Variants in PRKN observed in about 807,000 individuals in gnomAD.
The protein encoded by PRKN is parkin RBR E3 ubiquitin protein ligase.
PRKN carries 56 observed loss-of-function variants against 59.5 expected under a neutral mutation model. That is an observed-to-expected ratio of 0.94 (90% CI 0.76 to 1.18). The LOEUF (loss-of-function observed/expected upper bound fraction) is 1.18. Among genes scored for constraint, PRKN ranks in the 50% most tolerant of loss-of-function variants. The pLI is 0.00. For synonymous variants in PRKN, 250 were observed against 222.1 expected (o/e 1.13, Z -1.12); for missense variants, 657 against 596.4 (o/e 1.10, Z -1.06).
At chr6:162,328,354 G>T (rs1276709427) in intron 2 of PRKN, among the ~76,000 whole-genome samples, 1 of 152,134 alleles carries the variant, frequency 6.6e-6, no homozygotes, top group Non-Finnish European at 1.5e-5. Flanking sequence ...AACAGAGTGA[G>T]ATTCCGTCTC....
At chr6:162,503,846 T>G (rs1301166332) in intron 1 of PRKN, among the ~76,000 whole-genome samples, 1 of 152,152 alleles carries the variant, frequency 6.6e-6, no homozygotes, top group Non-Finnish European at 1.5e-5. Context: ...ATGGGGCAAG[T>G]GAAGAAGGAC....
chr6:161,868,008 C>G (rs1405204204), intron 6 of PRKN, among the ~76,000 whole-genome samples: 3 of 151,604 alleles, frequency 2.0e-5, no homozygotes, highest in African/African-American at 7.3e-5. Context: ...TGATCCACCA[C>G]CCTCGGCCTC....
Position 162,343,659 on chromosome 6 carries a change from A to G in PRKN, c.172-80894T>C, listed in dbSNP as rs575478195. ...TATGCATTTAGTAAGTATAAGGCACAAGTTGTTTCTGTACATTCATTTTCA... is the reference window on the plus strand; with the variant it reads ...TATGCATTTAGTAAGTATAAGGCACGAGTTGTTTCTGTACATTCATTTTCA... On this transcript the variant is annotated intron_variant, in intron 2 of 11. Transcript: ENST00000366898. Among the ~76,000 whole-genome samples, 151 of 152,184 alleles carry G rather than the reference A, an allele frequency of 9.9e-4. 1 individual carries two copies. Among genetic ancestry groups the G allele is most frequent in the African/African-American group, 3.3e-3 (138 of 41,486 alleles).
intron 5 of PRKN, among the ~76,000 whole-genome samples, chr6:162,016,629 T>C (rs1385428115): frequency 6.6e-6 from 1 of 152,042 alleles, no homozygotes. Context: ...CCTGGAACAC[T>C]CTCCTCGTGG....
At chr6:161,654,750 C>T (rs1784276561) in intron 7 of PRKN, among the ~76,000 whole-genome samples, 1 of 152,116 alleles carries the variant, frequency 6.6e-6, no homozygotes, top group Admixed American at 6.5e-5. Flanking sequence ...GGCGAAAGGT[C>T]ACCTGTCTCC....
At chr6:161,985,198 T>C (rs907260617) in intron 5 of PRKN, among the ~76,000 whole-genome samples, 1 of 152,168 alleles carries the variant, frequency 6.6e-6, no homozygotes, top group Non-Finnish European at 1.5e-5. Flanking sequence ...AGCCCGACAA[T>C]AAAAGAACAT....
At chr6:161,761,605 C>T (rs376414357) in intron 7 of PRKN, among the ~76,000 whole-genome samples, 2 of 152,258 alleles carry the variant, frequency 1.3e-5, no homozygotes, top group African/African-American at 4.8e-5. Context: ...TCTGACCAGC[C>T]CAATCTCCTG....
chr6:161,752,413 G>T (rs1583105266), intron 7 of PRKN, among the ~76,000 whole-genome samples: 1 of 152,096 alleles, frequency 6.6e-6, no homozygotes, highest in South Asian at 2.1e-4. Flanking sequence ...CTCGCTCAAG[G>T]TTGGGTGCAG....
intron 5 of PRKN, among the ~76,000 whole-genome samples, chr6:162,006,068 T>C (rs1782240816): frequency 6.6e-6 from 1 of 152,162 alleles, no homozygotes; most frequent in Admixed American, 6.6e-5. Context: ...TTCTTAGAAT[T>C]ACTATAAAGT....
intron 7 of PRKN, among the ~76,000 whole-genome samples, chr6:161,573,169 C>G (rs1780959646): frequency 6.6e-6 from 1 of 152,174 alleles, no homozygotes; most frequent in African/African-American, 2.4e-5. Flanking sequence ...AGCTCAGGGT[C>G]CCAGGCCTGC....
chr6:161,712,788 A>G (rs1036850460), intron 7 of PRKN, among the ~76,000 whole-genome samples: 2 of 152,050 alleles, frequency 1.3e-5, no homozygotes, highest in African/African-American at 4.8e-5. Flanking sequence ...GAATAAGGAA[A>G]ACAAAAACAA....
rs1777956717 is a variant in PRKN, at chr6:161,501,370, T to C, written c.1083+47484A>G. Among the ~76,000 whole-genome samples, 3 of 152,246 alleles carry C rather than the reference T, an allele frequency of 2.0e-5. No homozygotes were observed. The South Asian group carries it at 6.2e-4, about 32-fold the overall frequency. ...TTTAATTTGCAAATGCCAAATGACA[T>C]ATGATGTTGAACATCTTTTCATATG... On this transcript the variant is annotated intron_variant, in intron 9 of 11. Transcript: ENST00000366898.
chr6:162,067,171 T>C (rs1186128150), intron 4 of PRKN, among the ~76,000 whole-genome samples: 3 of 152,236 alleles, frequency 2.0e-5, no homozygotes, highest in African/African-American at 7.2e-5. Context: ...CCTGTCATCA[T>C]GAAGTGCCAC....
At chr6:162,245,386 A>C (rs1378581172) in intron 3 of PRKN, among the ~76,000 whole-genome samples, 2 of 152,052 alleles carry the variant, frequency 1.3e-5, no homozygotes, top group African/African-American at 4.8e-5. Context: ...ATCTATAATC[A>C]AGACACTAAT....
chr6:162,026,458 G>A (rs1954917), intron 5 of PRKN, among the ~76,000 whole-genome samples: 89,559 of 152,008 alleles, frequency 0.59, 26,674 homozygotes, highest in East Asian at 0.67. Context: ...CGTATGTCCT[G>A]CAATCTTGTG....
At chr6:161,932,535 TA>T (rs780372720) in intron 6 of PRKN, among the ~76,000 whole-genome samples, 3 of 152,228 alleles carry the variant, frequency 2.0e-5, no homozygotes, top group South Asian at 2.1e-4. Flanking sequence ...TTTAAGTTTG[TA>T]TACTTTTATT....
chr6:161,388,261 C>T lies in PRKN; in HGVS notation c.1084-1384G>A, dbSNP rs767791465. 4.1e-4 allele frequency among the ~76,000 whole-genome samples: 62 copies of T among 152,328 alleles called. No homozygotes were observed. Among genetic ancestry groups the T allele is most frequent in the Non-Finnish European group, 6.9e-4 (47 of 68,028 alleles). On this transcript the variant is annotated intron_variant, in intron 9 of 11. Transcript: ENST00000366898. This position sits in a 1 kb window ranked among gnomAD's most constrained non-coding sequence, Gnocchi z 4.3. ...CAGCGATAGCTTTCTCATATGACCC[C>T]TGGGAGAGGTAGTGAGATAGCACAT...
chr6:162,101,652 A>G (rs1383914793), intron 4 of PRKN, among the ~76,000 whole-genome samples: 1 of 152,054 alleles, frequency 6.6e-6, no homozygotes, highest in Non-Finnish European at 1.5e-5. Context: ...AGCCTAGGCA[A>G]CAGAGCGAGA....
chr6:162,263,149 C>T lies in PRKN; in HGVS notation c.172-384G>A, dbSNP rs115570268. On this transcript the variant is annotated intron_variant, in intron 2 of 11. Transcript: ENST00000366898. Reference sequence around the variant, plus strand: ...GGCTGGAGTGCAGTGGTGTGATTTCCGCTCATTGCAACCTCTGCCTGCCGG... The same window carrying T: ...GGCTGGAGTGCAGTGGTGTGATTTCTGCTCATTGCAACCTCTGCCTGCCGG... 724 of 287,508 alleles carry T rather than the reference C, an allele frequency of 2.5e-3. 10 individuals are homozygous for T. The East Asian group carries it at 0.028, about 11-fold the overall frequency. 17.8% of individuals were successfully genotyped at this position (287,508 alleles called of 1,614,324 possible). A position where few individuals can be genotyped will look rare whatever the true frequency, so the allele number is the denominator to read the frequency against.
Sources: allele counts gnomAD v4.1 joint callset (sites outside exome capture counted in the v4.1 genomes callset), GRCh38; gene constraint gnomAD v4.1.1; non-coding constraint Gnocchi (gnomAD v3.1); transcripts MANE v1.5; gene names NCBI Gene and HGNC (gene_info 2026-07-23, HGNC 2026-07-21).